Variants in TENM3 observed in about 807,000 individuals in gnomAD.
TENM3 encodes teneurin transmembrane protein 3.
A neutral mutation model predicts 255.1 loss-of-function variants in TENM3; 63 were observed. The observed-to-expected ratio is 0.25, with a 90% confidence interval of 0.20 to 0.30. The LOEUF is 0.30. TENM3 is among the 10% of genes least tolerant of loss of function. The pLI is 1.00. For missense variants in TENM3, 2,929 were observed against 3,461.1 expected (o/e 0.85, Z 3.86); for synonymous variants, 1,306 against 1,322.3 (o/e 0.99, Z 0.27).
chr4:181,471,864 G>T, the TENM3 span, among the ~76,000 whole-genome samples: 12,425 of 152,234 alleles, frequency 0.082, 672 homozygotes, highest in Middle Eastern at 0.2. Context: ...CCCAGAAATA[G>T]TTGTGTATTT....
the TENM3 span, among the ~76,000 whole-genome samples, chr4:182,009,610 G>C: frequency 6.6e-6 from 1 of 152,170 alleles, no homozygotes; most frequent in South Asian, 2.1e-4. Flanking sequence ...TGGAGCTATA[G>C]AAATGGGTGC....
chr4:182,144,236 G>T (rs1436336867), upstream of TENM3: 1 of 149,796 alleles, frequency 6.7e-6, no homozygotes, highest in African/African-American at 2.5e-5. Context: ...ACGGACACGT[G>T]TACGCGCCCG....
chr4:181,736,564 G>A, the TENM3 span, among the ~76,000 whole-genome samples: 1 of 151,528 alleles, frequency 6.6e-6, no homozygotes. Context: ...AAATTTTCCT[G>A]GTTCACCCAG....
At chr4:182,430,002 A>G (rs1418291555) in intron 3 of TENM3, among the ~76,000 whole-genome samples, 2 of 152,254 alleles carry the variant, frequency 1.3e-5, no homozygotes, top group African/African-American at 4.8e-5. Context: ...AAGAGGCAGA[A>G]TTTGAACTGA....
At chr4:181,514,381 T>C in the TENM3 span, among the ~76,000 whole-genome samples, 1 of 152,254 alleles carries the variant, frequency 6.6e-6, no homozygotes, top group Non-Finnish European at 1.5e-5. Flanking sequence ...TTGTCATATA[T>C]TCAGAGCATT....
chr4:181,599,816 G>T, the TENM3 span, among the ~76,000 whole-genome samples: 1 of 152,002 alleles, frequency 6.6e-6, no homozygotes, highest in African/African-American at 2.4e-5. Context: ...ACTCATCTAT[G>T]ACCTTCTTTT....
intron 1 of TENM3, among the ~76,000 whole-genome samples, chr4:182,244,285 A>C (rs1757506591): frequency 6.6e-6 from 1 of 152,064 alleles, no homozygotes; most frequent in Admixed American, 6.5e-5. Flanking sequence ...CATATAACCC[A>C]GGGTATTAGA....
At chr4:181,867,069 C>A in the TENM3 span, among the ~76,000 whole-genome samples, 9 of 152,100 alleles carry the variant, frequency 5.9e-5, no homozygotes, top group Non-Finnish European at 7.4e-5. Flanking sequence ...TATTATAATC[C>A]TCTGCTTCTC....
At chr4:182,715,036 C>A (rs1050592683) in intron 13 of TENM3, among the ~76,000 whole-genome samples, 2 of 152,174 alleles carry the variant, frequency 1.3e-5, no homozygotes, top group African/African-American at 4.8e-5. Context: ...AGGCATGTGC[C>A]ACCACACCTG....
chr4:182,162,267 T>A (rs1320117781), intron 1 of TENM3, among the ~76,000 whole-genome samples: 2 of 152,126 alleles, frequency 1.3e-5, no homozygotes, highest in Non-Finnish European at 2.9e-5. Flanking sequence ...GTCCTTTTTG[T>A]TTTTCAGCTC....
chr4:182,314,781 A>T (rs950265615), intron 1 of TENM3, among the ~76,000 whole-genome samples: 9 of 152,140 alleles, frequency 5.9e-5, no homozygotes, highest in African/African-American at 2.2e-4. Context: ...TTTTTGACCT[A>T]GTTGGGTTTA....
the TENM3 span, among the ~76,000 whole-genome samples, chr4:181,677,870 T>C: frequency 2.0e-5 from 3 of 152,116 alleles, no homozygotes; most frequent in Non-Finnish European, 4.4e-5. Flanking sequence ...CGCTTCTCCT[T>C]ACACAGGAAT....
Position 182,738,489 on chromosome 4 carries a change from G to T in TENM3, c.3324G>T (p.Ala1108=). The change falls in exon 18 of 28, where the codon GCG becomes GCT. Residue 1108 remains alanine, a synonymous_variant. Coordinates refer to ENST00000511685, the MANE Select transcript of TENM3 (RefSeq NM_001080477.4). ...TAILQGYELD[A]SNMGGWTLDK... ...TTCTGCAGGGCTATGAATTGGATGC[G>T]TCCAACATGGGTGGCTGGACATTAG... is the stretch of plus-strand genomic sequence containing the variant. 3 of 1,613,270 alleles carry T rather than the reference G, an allele frequency of 1.9e-6. No homozygotes were observed. Among genetic ancestry groups the T allele is most frequent in the Non-Finnish European group, 2.5e-6 (3 of 1,179,564 alleles).
chr4:181,459,676 A>G, the TENM3 span, among the ~76,000 whole-genome samples: 3 of 151,890 alleles, frequency 2.0e-5, no homozygotes, highest in South Asian at 2.1e-4. Context: ...ATTCCGTGCC[A>G]TTGATCTTTA....
At chr4:182,541,735 G>T (rs1740901884) in intron 3 of TENM3, among the ~76,000 whole-genome samples, 2 of 152,224 alleles carry the variant, frequency 1.3e-5, no homozygotes, top group Middle Eastern at 3.4e-3. Flanking sequence ...CTGGTTTTAA[G>T]TAACATTTAA....
At chr4:181,449,316 A>G in the TENM3 span, among the ~76,000 whole-genome samples, 1 of 152,118 alleles carries the variant, frequency 6.6e-6, no homozygotes, top group Non-Finnish European at 1.5e-5. Flanking sequence ...CGACCTAACT[A>G]CACACTGTGA....
At chr4:182,473,575 A>G (rs1482315022) in intron 3 of TENM3, among the ~76,000 whole-genome samples, 1 of 152,166 alleles carries the variant, frequency 6.6e-6, no homozygotes, top group East Asian at 1.9e-4. Flanking sequence ...CGGGAGGCTG[A>G]GGCAAGTGAA....
intron 1 of TENM3, among the ~76,000 whole-genome samples, chr4:182,225,021 C>G (rs780450854): frequency 1.3e-5 from 2 of 152,108 alleles, no homozygotes; most frequent in African/African-American, 4.8e-5. Context: ...CAGGAGCCAC[C>G]GCTCCCTGGC....
At chr4:182,262,008 T>G (rs1336935666) in intron 1 of TENM3, among the ~76,000 whole-genome samples, 8 of 152,182 alleles carry the variant, frequency 5.3e-5, no homozygotes, top group Admixed American at 4.6e-4. Flanking sequence ...ACCAAGATCA[T>G]GAGTCACCAC....
Sources: gnomAD v4.1 joint callset for allele counts (sites outside exome capture counted in the v4.1 genomes callset) on GRCh38, gnomAD v4.1.1 for gene constraint, MANE v1.5 for transcripts, NCBI Gene and HGNC (gene_info 2026-07-23, HGNC 2026-07-21) for gene names.